Variants in TCF7L2 observed in about 807,000 individuals in gnomAD.
TCF7L2 encodes the protein transcription factor 7 like 2, also known as transcription factor 7-like 2.
TCF7L2 carries 23 observed loss-of-function variants against 77.9 expected under a neutral mutation model. That is an observed-to-expected ratio of 0.30 (90% CI 0.21 to 0.42). TCF7L2 has a LOEUF of 0.42. TCF7L2 is among the 10% of genes least tolerant of loss of function. The pLI is 1.00. For synonymous variants in TCF7L2, 413 were observed against 340.2 expected (o/e 1.21, Z -2.36); for missense variants, 654 against 793.1 (o/e 0.82, Z 2.11).
chr10:112,983,491 A>AAATT (rs1381884451), intron 4 of TCF7L2, among the ~76,000 whole-genome samples: 29 of 150,828 alleles, frequency 1.9e-4, no homozygotes, highest in Middle Eastern at 3.4e-3. Flanking sequence ...ATAAATAAAT[A>AAATT]AATTAATTAA....
intron 5 of TCF7L2, among the ~76,000 whole-genome samples, chr10:113,134,596 C>G (rs2067125934): frequency 6.6e-6 from 1 of 152,218 alleles, no homozygotes; most frequent in East Asian, 1.9e-4. Flanking sequence ...TGTTCCCAGC[C>G]TGTCCTCTTC....
chr10:112,965,627 A>G lies in TCF7L2; in HGVS notation c.450+1003A>G, dbSNP rs76681197. On this transcript the variant is annotated intron_variant, in intron 4 of 13. Coordinates refer to ENST00000627217, the MANE Select transcript of TCF7L2 (RefSeq NM_001146274.2). ...GCAGATAACTTGTCTGTGTGTGTGT[A>G]TATGTGTGTGTGTGTGTGTGTGTGT... Among the ~76,000 whole-genome samples the G allele has an allele frequency of 6.6e-4, 45 of 68,288 alleles. No homozygotes were observed. In the East Asian group the frequency reaches 8.7e-3, roughly 13 times the overall value. The allele number at this position is 68,288 out of a possible 152,430, so 44.8% of individuals were successfully genotyped here. A position where few individuals can be genotyped will look rare whatever the true frequency, so the allele number is the denominator to read the frequency against.
intron 4 of TCF7L2, among the ~76,000 whole-genome samples, chr10:113,015,579 CT>C (rs1303449711): frequency 6.6e-6 from 1 of 152,050 alleles, no homozygotes; most frequent in Admixed American, 6.6e-5. Context: ...AGCAATCCCC[CT>C]GCCTCAGCCT....
intron 4 of TCF7L2, among the ~76,000 whole-genome samples, chr10:112,968,740 G>A (rs921059658): frequency 6.6e-6 from 1 of 151,986 alleles, no homozygotes; most frequent in Non-Finnish European, 1.5e-5. Flanking sequence ...CACCACGTTC[G>A]GCTCATTTTT....
intron 5 of TCF7L2, among the ~76,000 whole-genome samples, chr10:113,112,285 G>C (rs2063231789): frequency 6.6e-6 from 1 of 152,244 alleles, no homozygotes; most frequent in Admixed American, 6.5e-5. Context: ...AAGAGGTAGA[G>C]GCTGTGTTGT....
intron 12 of TCF7L2, 152 bp downstream of exon 14, chr10:113,160,144 G>A (rs2072906562): frequency 1.5e-6 from 1 of 675,078 alleles, no homozygotes; most frequent in Admixed American, 2.8e-5. Context: ...GTTCTATGAG[G>A]GATGTGCTTG....
intron 5 of TCF7L2, among the ~76,000 whole-genome samples, chr10:113,116,857 T>G (rs1294155971): frequency 6.6e-6 from 1 of 152,214 alleles, no homozygotes; most frequent in East Asian, 1.9e-4. Context: ...ATTAATCTTC[T>G]CAAATGCAAG....
At chr10:113,158,644 T>C in intron 12 of TCF7L2, 23 bp from the exon 13 acceptor site, 1 of 1,612,906 alleles carries the variant, frequency 6.2e-7, no homozygotes, top group Non-Finnish European at 8.5e-7. Context: ...GAAGGCTTTG[T>C]ATAATTTGTT....
chr10:113,054,866 T>G (rs2055099018), intron 5 of TCF7L2, among the ~76,000 whole-genome samples: 1 of 152,126 alleles, frequency 6.6e-6, no homozygotes, highest in Admixed American at 6.5e-5. Context: ...TTTTCTTTAT[T>G]TTTAAATTTT....
chr10:113,127,725 A>G (rs1397394579), intron 5 of TCF7L2, among the ~76,000 whole-genome samples: 1 of 152,032 alleles, frequency 6.6e-6, no homozygotes, highest in Non-Finnish European at 1.5e-5. Context: ...GGATGAATTT[A>G]GAGTAGTGCG....
chr10:113,073,692 AG>A (rs1056778163), intron 5 of TCF7L2, among the ~76,000 whole-genome samples: 2 of 149,758 alleles, frequency 1.3e-5, no homozygotes, highest in Admixed American at 1.3e-4. Flanking sequence ...CCCGTCTTTA[AG>A]AAAAAAAAAA....
chr10:113,158,516 C>G, intron 12 of TCF7L2, 151 bp from the exon 13 acceptor site: 1 of 765,766 alleles, frequency 1.3e-6, no homozygotes, highest in Non-Finnish European at 2.2e-6. Flanking sequence ...TAAATTACAC[C>G]CATTTTAAAT....
At chr10:113,081,575 G>A (rs868160845) in intron 5 of TCF7L2, among the ~76,000 whole-genome samples, 2 of 152,096 alleles carry the variant, frequency 1.3e-5, no homozygotes, top group Admixed American at 6.5e-5. Flanking sequence ...ATGCTTGCTC[G>A]CTATTGACTT....
At chr10:113,092,991 A>C (rs1011513112) in intron 5 of TCF7L2, among the ~76,000 whole-genome samples, 1 of 152,176 alleles carries the variant, frequency 6.6e-6, no homozygotes, top group Non-Finnish European at 1.5e-5. Context: ...GGTCGTCAGA[A>C]CTAAGTTTGA....
In TCF7L2 at chr10:112,966,184, T is replaced by TTTTATA. The variant is rs1554876896; in HGVS notation, c.450+1561_450+1562insTTATAT. ...GAGTGAGACTCTGTCTAAAATATAT[T>TTTTATA]TATATATATATATATATATATATAT... On this transcript the variant is annotated intron_variant, in intron 4 of 13. Transcript: ENST00000627217. 1.2e-4 allele frequency among the ~76,000 whole-genome samples: 14 copies of TTTTATA among 114,228 alleles called. 2 individuals are homozygous for TTTTATA. The highest frequency in any genetic ancestry group is 6.2e-4 in the African/African-American group (13 of 21,016). The allele number at this position is 114,228 out of a possible 152,430, so 74.9% of individuals were successfully genotyped here.
At chr10:113,146,850 C>T (rs889220204) in intron 8 of TCF7L2, among the ~76,000 whole-genome samples, 15 of 152,020 alleles carry the variant, frequency 9.9e-5, no homozygotes, top group Middle Eastern at 3.2e-3. Context: ...AATAGCCACA[C>T]GTGGCTGGTG....
intron 4 of TCF7L2, among the ~76,000 whole-genome samples, chr10:112,991,612 A>G (rs2042564859): frequency 6.6e-6 from 1 of 152,084 alleles, no homozygotes; most frequent in East Asian, 1.9e-4. Context: ...TCAGGCTCAG[A>G]GGCTGCTACA....
intron 4 of TCF7L2, among the ~76,000 whole-genome samples, chr10:113,013,737 TC>T (rs1648445005): frequency 6.6e-6 from 1 of 152,152 alleles, no homozygotes; most frequent in African/African-American, 2.4e-5. Flanking sequence ...GTCCCCACTT[TC>T]TCCTGATCTG....
At chr10:113,017,711 C>T (rs1373438929) in intron 4 of TCF7L2, among the ~76,000 whole-genome samples, 2 of 152,132 alleles carry the variant, frequency 1.3e-5, no homozygotes, top group Non-Finnish European at 2.9e-5. Flanking sequence ...TCTCTGAAGC[C>T]ATGTCATTAT....
Sources: gnomAD v4.1 joint callset for allele counts (sites outside exome capture counted in the v4.1 genomes callset) on GRCh38, gnomAD v4.1.1 for gene constraint, MANE v1.5 for transcripts, NCBI Gene and HGNC (gene_info 2026-07-23, HGNC 2026-07-21) for gene names.